ZNF385D: variants seen among roughly 807,000 people sequenced by gnomAD.
The protein encoded by ZNF385D is zinc finger protein 659.
In ZNF385D, 15 loss-of-function variants were observed where a neutral mutation model predicts 35.8. That is an observed-to-expected ratio of 0.42 (90% confidence interval 0.28 to 0.64). ZNF385D has a LOEUF of 0.64. Among genes scored for constraint, ZNF385D ranks in the 30% least tolerant of loss-of-function variants. The pLI is 0.23. For synonymous variants in ZNF385D, 212 were observed against 186.8 expected, an observed-to-expected ratio of 1.13 and a Z score of -1.10; for missense variants, 474 against 494.6, an observed-to-expected ratio of 0.96 and a Z score of 0.39.
chr3:21,743,214 G>A (rs1199861430), intron 1 of ZNF385D, among the ~76,000 whole-genome samples: 1 of 152,188 alleles, frequency 6.6e-6, no homozygotes, highest in Non-Finnish European at 1.5e-5. Flanking sequence ...TTGAACAAAT[G>A]GTAGAGATGG....
chr3:22,255,154 T>C (rs1048349154), intron 2 of ZNF385D, among the ~76,000 whole-genome samples: 5 of 151,670 alleles, frequency 3.3e-5, no homozygotes, highest in South Asian at 4.2e-4. Flanking sequence ...AACTACTATA[T>C]TGTATAGACC....
At chr3:21,660,931 C>T (rs2066220653) in intron 2 of ZNF385D, among the ~76,000 whole-genome samples, 1 of 152,188 alleles carries the variant, frequency 6.6e-6, no homozygotes, top group Non-Finnish European at 1.5e-5. Context: ...CAGGGCCACC[C>T]CTGCTTTACA....
intron 3 of ZNF385D, among the ~76,000 whole-genome samples, chr3:21,851,443 T>C (rs893198418): frequency 6.6e-5 from 10 of 151,872 alleles, no homozygotes; most frequent in Non-Finnish European, 1.5e-4. Context: ...GAAAATATAT[T>C]CTCCACAAAA....
chr3:21,804,510 G>T (rs1443907270), intron 3 of ZNF385D, among the ~76,000 whole-genome samples: 1 of 152,104 alleles, frequency 6.6e-6, no homozygotes, highest in African/African-American at 2.4e-5. Context: ...AAAGCAGAGG[G>T]AGTGATATTT....
chr3:21,898,553 A>G (rs1196068097), intron 3 of ZNF385D, among the ~76,000 whole-genome samples: 1 of 152,178 alleles, frequency 6.6e-6, no homozygotes, highest in African/African-American at 2.4e-5. Context: ...ACTAAAGTAG[A>G]TAGATATATT....
At chr3:21,879,930 A>T (rs1250116300) in intron 3 of ZNF385D, among the ~76,000 whole-genome samples, 1 of 151,978 alleles carries the variant, frequency 6.6e-6, no homozygotes, top group Admixed American at 6.6e-5. Context: ...CTCTTCTTTC[A>T]TGTAATCTCA....
chr3:21,434,795 A>G (rs1419317996), intron 5 of ZNF385D, among the ~76,000 whole-genome samples: 1 of 152,134 alleles, frequency 6.6e-6, no homozygotes, highest in Non-Finnish European at 1.5e-5. Flanking sequence ...ACAGAAAAAG[A>G]TCTCAGATGC....
intron 3 of ZNF385D, among the ~76,000 whole-genome samples, chr3:22,028,928 A>G (rs1344377250): frequency 6.6e-6 from 1 of 152,162 alleles, no homozygotes; most frequent in Non-Finnish European, 1.5e-5. Context: ...GAATCAGCAT[A>G]CAATATATGG....
intron 3 of ZNF385D, among the ~76,000 whole-genome samples, chr3:22,080,998 T>C (rs1261864497): frequency 6.6e-6 from 1 of 152,208 alleles, no homozygotes. Flanking sequence ...TGGCTTATGA[T>C]ACATATGTAT....
At chr3:21,831,679 T>C (rs1322589844) in intron 3 of ZNF385D, among the ~76,000 whole-genome samples, 1 of 152,192 alleles carries the variant, frequency 6.6e-6, no homozygotes, top group Non-Finnish European at 1.5e-5. Flanking sequence ...ACTGTTCTTC[T>C]GAGCACTGGG....
chr3:21,826,024 C>T (rs1694595082), intron 3 of ZNF385D, among the ~76,000 whole-genome samples: 1 of 152,166 alleles, frequency 6.6e-6, no homozygotes, highest in African/African-American at 2.4e-5. Flanking sequence ...AGTTTCATCC[C>T]CTTCTTCCCC....
chr3:21,954,096 C>A (rs990454403), intron 3 of ZNF385D, among the ~76,000 whole-genome samples: 2 of 151,850 alleles, frequency 1.3e-5, no homozygotes, highest in African/African-American at 4.8e-5. Flanking sequence ...TGCCCTCCAT[C>A]CCCATTTGGA....
At chr3:21,770,239 G>C (rs1281425357) in intron 3 of ZNF385D, among the ~76,000 whole-genome samples, 1 of 152,064 alleles carries the variant, frequency 6.6e-6, no homozygotes, top group South Asian at 2.1e-4. Flanking sequence ...TTGACAAATG[G>C]GATCTAATTA....
chr3:22,070,594 A>G (rs76868490), intron 3 of ZNF385D, among the ~76,000 whole-genome samples: 5,057 of 152,264 alleles, frequency 0.033, 233 homozygotes, highest in African/African-American at 0.11. Flanking sequence ...CTATTTTCAA[A>G]TGGACAAACA....
intron 5 of ZNF385D, among the ~76,000 whole-genome samples, chr3:21,432,780 C>T (rs556052058): frequency 5.2e-5 from 3 of 57,690 alleles, no homozygotes; most frequent in Non-Finnish European, 9.5e-5. Context: ...AGGTACTTCC[C>T]TTTCCAAATT....
intron 1 of ZNF385D, among the ~76,000 whole-genome samples, chr3:21,679,976 T>C (rs1047941883): frequency 6.6e-6 from 1 of 152,058 alleles, no homozygotes; most frequent in Non-Finnish European, 1.5e-5. Flanking sequence ...TGAGAGAGAC[T>C]CGCTCAGTGC....
intron 3 of ZNF385D, among the ~76,000 whole-genome samples, chr3:21,552,369 G>A (rs1337160959): frequency 6.6e-6 from 1 of 152,112 alleles, no homozygotes; most frequent in African/African-American, 2.4e-5. Context: ...TGGTCAATAA[G>A]TAAACAAAGT....
At chr3:22,189,963 C>A (rs1256423218) in intron 2 of ZNF385D, among the ~76,000 whole-genome samples, 1 of 152,090 alleles carries the variant, frequency 6.6e-6, no homozygotes, top group Non-Finnish European at 1.5e-5. Flanking sequence ...CCTCATATTA[C>A]CATCTGTTAT....
At chr3:21,651,212 T>C (rs1409962231) in intron 2 of ZNF385D, among the ~76,000 whole-genome samples, 8 of 133,470 alleles carry the variant, frequency 6.0e-5, no homozygotes, top group Non-Finnish European at 1.1e-4. Context: ...GGCGTGAACC[T>C]GGGAGGTGGA....
Sources: allele counts gnomAD v4.1 joint callset (sites outside exome capture counted in the v4.1 genomes callset), GRCh38; gene constraint gnomAD v4.1.1; transcripts MANE v1.5; gene names NCBI Gene and HGNC (gene_info 2026-07-23, HGNC 2026-07-21).